Variants in USP18 observed in about 807,000 individuals in gnomAD.
USP18 encodes the protein ubl carboxyl-terminal hydrolase 18.
Under a neutral mutation model 48.7 loss-of-function variants are expected in USP18, and 11 were observed. That is an observed-to-expected ratio of 0.23 (90% CI 0.14 to 0.37). USP18 has a LOEUF of 0.37. USP18 is among the 10% of genes least tolerant of loss of function. USP18 has a pLI of 1.00. For missense variants in USP18, 285 were observed against 436.4 expected (o/e 0.65, Z 3.09); for synonymous variants, 114 against 163.2 (o/e 0.70, Z 2.30).
At chr22:18,157,108 T>G (rs1248118231) in intron 1 of USP18, among the ~76,000 whole-genome samples, 1 of 152,262 alleles carries the variant, frequency 6.6e-6, no homozygotes, top group East Asian at 1.9e-4. Flanking sequence ...TTTATCTGAC[T>G]GCTGCAGCTG....
chr22:18,172,802 G>A (rs1276146311), intron 8 of USP18, among the ~76,000 whole-genome samples: 2 of 150,316 alleles, frequency 1.3e-5, no homozygotes, highest in African/African-American at 2.5e-5. Flanking sequence ...GCTGGGTACG[G>A]TGGCTCAGGT....
chr22:18,173,673 G>A, intron 9 of USP18, 120 bp from the exon 10 acceptor site: 2 of 1,416,366 alleles, frequency 1.4e-6, no homozygotes, highest in Non-Finnish European at 1.9e-6. Flanking sequence ...GTTGCTCCAG[G>A]CTCTTGGGAG....
intron 4 of USP18, 64 bp from the exon 5 acceptor site, chr22:18,167,191 A>C: frequency 3.1e-6 from 5 of 1,591,906 alleles, no homozygotes; most frequent in Non-Finnish European, 4.3e-6. Context: ...GTGTCTAAGT[A>C]CCAGGGCATG....
chr22:18,160,919 G>A (rs543567118), intron 3 of USP18, among the ~76,000 whole-genome samples: 78 of 151,790 alleles, frequency 5.1e-4, no homozygotes, highest in Non-Finnish European at 9.1e-4. Context: ...ACAGGCGCCC[G>A]CCACCACACC....
chr22:18,174,765 T>TA (rs962615863), intron 10 of USP18, among the ~76,000 whole-genome samples: 1 of 152,056 alleles, frequency 6.6e-6, no homozygotes, highest in Non-Finnish European at 1.5e-5. Context: ...TGGCATATTT[T>TA]AAAAAAATGT....
chr22:18,155,336 G>A (rs1238426027), intron 1 of USP18, among the ~76,000 whole-genome samples: 3 of 152,208 alleles, frequency 2.0e-5, no homozygotes, highest in Non-Finnish European at 4.4e-5. Context: ...AGTGAGCCTA[G>A]TCCTGGTGAC....
chr22:18,160,379 C>T (rs916358939), intron 3 of USP18, 111 bp downstream of exon 3: 217 of 1,315,150 alleles, frequency 1.6e-4, no homozygotes, highest in Non-Finnish European at 2.3e-4. Flanking sequence ...GATCTTGGCT[C>T]ACTGCAAGTT....
chr22:18,160,304 T>G (rs567245455), intron 3 of USP18, 36 bp downstream of exon 3: 1 of 1,611,584 alleles, frequency 6.2e-7, no homozygotes, highest in African/African-American at 1.3e-5. Flanking sequence ...GCATTTGTAT[T>G]ATTTCTTTTT....
chr22:18,156,259 A>T lies in USP18; in HGVS notation c.-106-1299A>T, dbSNP rs148566199. ...AAAACGGACCAATCAGCTCTCTGTA[A>T]AACAGACCAATTGGCTGTCTATAAA... is the stretch of plus-strand genomic sequence containing the variant. On this transcript the variant is annotated intron_variant, in intron 1 of 10. Transcript: ENST00000215794. Among the ~76,000 whole-genome samples, 542 of 152,276 alleles carry T rather than the reference A, an allele frequency of 3.6e-3. 6 individuals carry two copies. Among genetic ancestry groups the T allele is most frequent in the African/African-American group, 0.012 (492 of 41,564 alleles).
intron 4 of USP18, among the ~76,000 whole-genome samples, chr22:18,163,692 C>T (rs1929393695): frequency 6.6e-6 from 1 of 152,040 alleles, no homozygotes; most frequent in South Asian, 2.1e-4. Context: ...AAATACCTCT[C>T]CCAGTCTTGT....
chr22:18,165,544 G>T (rs1216596164), intron 4 of USP18, among the ~76,000 whole-genome samples: 1 of 132,284 alleles, frequency 7.6e-6, no homozygotes, highest in African/African-American at 2.9e-5. Flanking sequence ...TAGCCCTTTA[G>T]AAATGCAAAT....
chr22:18,153,140 T>C (rs1929041291), intron 1 of USP18, among the ~76,000 whole-genome samples: 1 of 152,134 alleles, frequency 6.6e-6, no homozygotes, highest in Admixed American at 6.5e-5. Flanking sequence ...TTTAAGAATA[T>C]ATTCCAGGCT....
intron 9 of USP18, among the ~76,000 whole-genome samples, 189 bp downstream of exon 9, chr22:18,173,470 G>C (rs1463263413): frequency 6.6e-6 from 1 of 152,112 alleles, no homozygotes; most frequent in Admixed American, 6.6e-5. Context: ...CTCTGTAAGG[G>C]TTCAATTCAC....
chr22:18,176,421 GT>G (rs1929798473), intron 10 of USP18, among the ~76,000 whole-genome samples: 1 of 78,140 alleles, frequency 1.3e-5, no homozygotes, highest in Non-Finnish European at 2.3e-5. Context: ...GAGGGGAGGG[GT>G]GAAAGGCCAA....
intron 1 of USP18, among the ~76,000 whole-genome samples, chr22:18,153,938 T>A (rs1291265152): frequency 6.6e-6 from 1 of 152,052 alleles, no homozygotes; most frequent in Non-Finnish European, 1.5e-5. Flanking sequence ...GTGTATATAG[T>A]CCACATGTTC....
At chr22:18,156,688 G>T (rs1457539488) in intron 1 of USP18, among the ~76,000 whole-genome samples, 1 of 152,206 alleles carries the variant, frequency 6.6e-6, no homozygotes, top group Admixed American at 6.5e-5. Flanking sequence ...GCGAAGGTCT[G>T]CAGCTTCACT....
intron 6 of USP18, 111 bp downstream of exon 6, chr22:18,168,147 G>A (rs1929531455): frequency 6.7e-7 from 1 of 1,503,438 alleles, no homozygotes; most frequent in Non-Finnish European, 9.0e-7. Flanking sequence ...TCTGGAGGCT[G>A]GGAAGTCAAG....
chr22:18,174,949 T>C (rs1299497015), intron 10 of USP18, among the ~76,000 whole-genome samples: 7 of 152,192 alleles, frequency 4.6e-5, no homozygotes, highest in Admixed American at 2.0e-4. Flanking sequence ...AGTCTTGCTC[T>C]GTCACCCAGG....
At chr22:18,173,918 A>G in intron 10 of USP18, 76 bp downstream of exon 10, 4 of 1,496,764 alleles carry the variant, frequency 2.7e-6, no homozygotes, top group Non-Finnish European at 3.6e-6. Flanking sequence ...ACGCCCATGG[A>G]TTCCCCTGTT....
Sources: gnomAD v4.1 joint callset for allele counts (sites outside exome capture counted in the v4.1 genomes callset) on GRCh38, gnomAD v4.1.1 for gene constraint, MANE v1.5 for transcripts, NCBI Gene and HGNC (gene_info 2026-07-23, HGNC 2026-07-21) for gene names.